Variants in SLC4A7 observed in about 807,000 individuals in gnomAD.
SLC4A7 encodes solute carrier family 4 member 7.
Under a neutral mutation model 137.6 loss-of-function variants are expected in SLC4A7, and 51 were observed. The observed-to-expected ratio is 0.37, with a 90% confidence interval of 0.30 to 0.47. The LOEUF (loss-of-function observed/expected upper bound fraction) is 0.47, where lower values mean the gene tolerates loss of function less well. Ranked by LOEUF, SLC4A7 falls within the 20% of genes least tolerant of loss-of-function variation. The pLI is 1.00. For synonymous variants in SLC4A7, 542 were observed against 518.6 expected, an observed-to-expected ratio of 1.05 and a Z score of -0.61; for missense variants, 1,247 against 1,525.4, an observed-to-expected ratio of 0.82 and a Z score of 3.04.
Position 27,394,592 on chromosome 3 carries a change from G to C in SLC4A7, c.3043C>G (p.Arg1015Gly), listed in dbSNP as rs375605357. 4.3e-6 allele frequency: 7 copies of C among 1,613,928 alleles called. No individual in the cohort carries two copies. The highest frequency in any genetic ancestry group is 5.9e-6 in the Non-Finnish European group (7 of 1,179,974). Residue 1015 changes from arginine (R) to glycine (G), a missense_variant, in exon 20 of 26, where the codon CGT becomes GGT. Physicochemically the swap from Arg to Gly is moderately radical, Grantham distance 125. This residue lies in a region of SLC4A7 where 290 missense variants were observed against 323.8 expected (regional missense o/e 0.90). Transcript: ENST00000454389. ...ATTAGCCCTGTAACCCGCTGTTCAC[G>C]AATTCCCAAAAACTTGGGTTGTTCC... is the stretch of plus-strand genomic sequence containing the variant. ...PGEQPKFLGI[R>G]EQRVTGLMIF...
At chr3:27,382,459 T>G (rs1229119771) in intron 24 of SLC4A7, among the ~76,000 whole-genome samples, 1 of 151,600 alleles carries the variant, frequency 6.6e-6, no homozygotes, top group African/African-American at 2.4e-5. Flanking sequence ...AATAGATGTG[T>G]AGAAATAGAA....
In SLC4A7 at chr3:27,473,655, C is replaced by T. The variant is rs1196188527; in HGVS notation, c.60+10412G>A. ...CCCGGGGGGTGGAGGGTGTAGTGAGCCGAGATCATATCAGCACTCCAGCCT... is the reference window on the plus strand; with the variant it reads ...CCCGGGGGGTGGAGGGTGTAGTGAGTCGAGATCATATCAGCACTCCAGCCT... On this transcript the variant is annotated intron_variant, in intron 1 of 25. Transcript: ENST00000454389. Among the ~76,000 whole-genome samples, 5 of 141,946 alleles carry T rather than the reference C, an allele frequency of 3.5e-5. No individual in the cohort carries two copies. In the Admixed American group the frequency reaches 3.8e-4, roughly 11 times the overall value. 93.1% of individuals were successfully genotyped at this position (141,946 alleles called of 152,430 possible).
intron 3 of SLC4A7, among the ~76,000 whole-genome samples, chr3:27,442,556 A>G (rs2057284295): frequency 6.6e-6 from 1 of 150,882 alleles, no homozygotes; most frequent in Non-Finnish European, 1.5e-5. Context: ...CTCAGCTGGG[A>G]TAACAGGCAT....
intron 3 of SLC4A7, among the ~76,000 whole-genome samples, chr3:27,441,425 C>G (rs1479486594): frequency 2.6e-5 from 4 of 152,162 alleles, no homozygotes; most frequent in Non-Finnish European, 5.9e-5. Flanking sequence ...CTGATGCCAT[C>G]TGAGAGTAAA....
chr3:27,408,614 T>C (rs561839788), intron 13 of SLC4A7, among the ~76,000 whole-genome samples: 2 of 152,292 alleles, frequency 1.3e-5, no homozygotes, highest in South Asian at 4.1e-4. Context: ...TACAATTAAG[T>C]AAAATGCACT....
intron 7 of SLC4A7, chr3:27,428,260 A>C (rs2055866209): frequency 6.5e-6 from 1 of 154,348 alleles, no homozygotes; most frequent in African/African-American, 2.4e-5. Context: ...ATTTTGTTGT[A>C]AGTGGACCTG....
At chr3:27,482,529 G>T (rs1378228637) in intron 1 of SLC4A7, among the ~76,000 whole-genome samples, 1 of 152,200 alleles carries the variant, frequency 6.6e-6, no homozygotes, top group East Asian at 1.9e-4. Flanking sequence ...CTAGCACTTT[G>T]GGAGGCCGAG....
intron 6 of SLC4A7, among the ~76,000 whole-genome samples, chr3:27,431,950 G>A (rs148711912): frequency 6.6e-6 from 1 of 152,070 alleles, no homozygotes; most frequent in African/African-American, 2.4e-5. Context: ...CAATAGCATG[G>A]CATTTTTAAA....
chr3:27,441,507 AT>A (rs2057190457), intron 3 of SLC4A7, among the ~76,000 whole-genome samples: 3 of 151,902 alleles, frequency 2.0e-5, no homozygotes, highest in Admixed American at 1.3e-4. Context: ...TCATTTACTT[AT>A]TTTTTAAGAG....
In SLC4A7 at chr3:27,421,625, G is replaced by A; in HGVS notation, c.1421C>T (p.Thr474Ile). The A allele has an allele frequency of 6.2e-7, 1 of 1,610,158 alleles. No individual in the cohort carries two copies. The highest frequency in any genetic ancestry group is 8.5e-7 in the Non-Finnish European group (1 of 1,178,014). ...TTACTTGGAACTAACTCTTTACCTG[G>A]TTGGAACAGGGACCTCAGTCAACCC... Reference protein sequence around the residue: ...LTGLTEVPVPTRFLFLLLGPA... With the variant: ...LTGLTEVPVPIRFLFLLLGPA... Residue 474 changes from threonine (T) to isoleucine (I), a missense_variant, in exon 9 of 26, where the codon ACC becomes ATC. Thr to Ile is a moderately conservative substitution (Grantham distance 89). Around this residue, in one of 6 missense-constraint regions of SLC4A7, gnomAD observed 499 missense variants for 664.2 expected, o/e 0.75. Coordinates refer to ENST00000454389, the MANE Select transcript of SLC4A7 (RefSeq NM_001321103.2).
rs1223387496 is a variant in SLC4A7 at position 27,379,370 on chromosome 3, A to G, written c.3591-14T>C. ...GAGGGATCAACACTGAAGAACAAAT[A>G]CACTTTTTGGTTAGTATTCAGTACT... On this transcript the variant is annotated splice_polypyrimidine_tract_variant and intron_variant, in intron 24 of 25. Coordinates refer to ENST00000454389, the MANE Select transcript of SLC4A7 (RefSeq NM_001321103.2). The G allele has an allele frequency of 7.1e-7, 1 of 1,409,286 alleles. No individual in the cohort carries two copies. The highest frequency in any genetic ancestry group is 2.0e-5 in the Admixed American group (1 of 50,808). 87.3% of individuals were successfully genotyped at this position (1,409,286 alleles called of 1,614,324 possible).
chr3:27,388,310 AT>A (rs1344414529), intron 22 of SLC4A7, among the ~76,000 whole-genome samples: 1 of 152,228 alleles, frequency 6.6e-6, no homozygotes, highest in African/African-American at 2.4e-5. Flanking sequence ...AGAAGGCAGC[AT>A]AAATCTTTTG....
chr3:27,402,881 A>G (rs1328997558), intron 15 of SLC4A7, among the ~76,000 whole-genome samples: 1 of 152,184 alleles, frequency 6.6e-6, no homozygotes, highest in Non-Finnish European at 1.5e-5. Context: ...GGCCAATCCA[A>G]TTCAAACAGA....
At chr3:27,483,630 TAGA>T (rs1019695649) in intron 1 of SLC4A7, among the ~76,000 whole-genome samples, 2 of 152,136 alleles carry the variant, frequency 1.3e-5, no homozygotes, top group African/African-American at 4.8e-5. Context: ...CCGTCCTCCT[TAGA>T]AGGAGAAGAA....
chr3:27,406,618 T>C (rs1034968603), intron 13 of SLC4A7, among the ~76,000 whole-genome samples: 1 of 152,154 alleles, frequency 6.6e-6, no homozygotes, highest in African/African-American at 2.4e-5. Context: ...AATGAATTTA[T>C]GCAGAGCTTA....
chr3:27,409,038 G>A (rs1430841665), intron 13 of SLC4A7, among the ~76,000 whole-genome samples: 1 of 152,086 alleles, frequency 6.6e-6, no homozygotes, highest in Non-Finnish European at 1.5e-5. Flanking sequence ...CCCAGAATCA[G>A]TTCAACTGTT....
At chr3:27,469,246 C>T (rs582505) in intron 1 of SLC4A7, among the ~76,000 whole-genome samples, 4 of 152,074 alleles carry the variant, frequency 2.6e-5, no homozygotes, top group South Asian at 2.1e-4. Flanking sequence ...TTTCTCCCCA[C>T]GAGCAAGCCA....
intron 19 of SLC4A7, 21 bp from the exon 20 acceptor site, chr3:27,394,790 A>G: frequency 1.2e-6 from 2 of 1,610,076 alleles, no homozygotes; most frequent in Non-Finnish European, 1.7e-6. Flanking sequence ...AAATGAACAT[A>G]AATATCTGTA....
intron 16 of SLC4A7, among the ~76,000 whole-genome samples, chr3:27,399,583 T>C (rs1027786145): frequency 6.6e-6 from 1 of 151,952 alleles, no homozygotes; most frequent in Admixed American, 6.6e-5. Flanking sequence ...CAGGCGCGAG[T>C]CACCATACCA....
Sources: allele counts gnomAD v4.1 joint callset (sites outside exome capture counted in the v4.1 genomes callset), GRCh38; gene constraint gnomAD v4.1.1; regional missense constraint gnomAD v4.1.1; transcripts MANE v1.5; gene names NCBI Gene and HGNC (gene_info 2026-07-23, HGNC 2026-07-21).